STT3B: variants seen among roughly 807,000 people sequenced by gnomAD.
The protein encoded by STT3B is STT3 oligosaccharyltransferase complex catalytic subunit B.
A neutral mutation model predicts 96.8 loss-of-function variants in STT3B; 29 were observed. The ratio of observed to expected loss-of-function variants is 0.30; its 90% CI spans 0.22 to 0.41. The LOEUF is 0.41. STT3B is among the 10% of genes least tolerant of loss of function. The pLI is 1.00. For synonymous variants in STT3B, 367 were observed against 360.0 expected (o/e 1.02, Z -0.22); for missense variants, 640 against 1,022.3 (o/e 0.63, Z 5.10).
intron 1 of STT3B, among the ~76,000 whole-genome samples, chr3:31,559,422 T>A (rs1348867397): frequency 6.6e-6 from 1 of 151,950 alleles, no homozygotes; most frequent in East Asian, 1.9e-4. Flanking sequence ...TCCAAGAAAT[T>A]TTTTTTATTT....
intron 1 of STT3B, among the ~76,000 whole-genome samples, chr3:31,547,062 A>G (rs965701133): frequency 6.6e-6 from 1 of 152,100 alleles, no homozygotes; most frequent in Non-Finnish European, 1.5e-5. Flanking sequence ...AAGTATTTTT[A>G]TTTACTTATA....
rs1307699269 is a variant in STT3B, at chr3:31,623,793, C to T, written c.1659C>T (p.His553=). Residue 553 remains histidine, a synonymous_variant, in exon 11 of 16, where the codon CAC becomes CAT. Transcript: ENST00000295770. ...MLMLLMMFAV[H]CTWVTSNAYS... ...TGCTATTGATGATGTTTGCTGTCCA[C>T]TGTACCTGGGTCACAAGCAATGCCT... The T allele has an allele frequency of 1.9e-6, 3 of 1,613,966 alleles. No individual in the cohort carries two copies. Among genetic ancestry groups the T allele is most frequent in the East Asian group, 2.2e-5 (1 of 44,876 alleles).
At chr3:31,580,127 A>G in intron 3 of STT3B, 31 bp downstream of exon 3, 2 of 1,594,150 alleles carry the variant, frequency 1.3e-6, no homozygotes, top group South Asian at 2.2e-5. Flanking sequence ...TGCTGCCATT[A>G]TTACTCGTGA....
Position 31,630,796 on chromosome 3 carries a change from T to A in STT3B, c.2187+1385T>A, listed in dbSNP as rs78973585. Among the ~76,000 whole-genome samples, 4 of 53,198 alleles carry A rather than the reference T, an allele frequency of 7.5e-5. 1 individual carries two copies. The highest frequency in any genetic ancestry group is 4.2e-4 in the East Asian group (1 of 2,362). The allele number at this position is 53,198 out of a possible 152,430, so 34.9% of individuals were successfully genotyped here. ...AGTTTTACCGTGTTTTTTTGTGGTG[T>A]TTTTTTTGTTTTTTTTTTGAGAGGG... On this transcript the variant is annotated intron_variant, in intron 14 of 15. Transcript: ENST00000295770.
At chr3:31,547,706 G>A (rs1364130255) in intron 1 of STT3B, among the ~76,000 whole-genome samples, 2 of 152,196 alleles carry the variant, frequency 1.3e-5, no homozygotes, top group Non-Finnish European at 2.9e-5. Flanking sequence ...AAATGCCACA[G>A]AACAATTCTG....
chr3:31,546,605 G>A (rs1697419023), intron 1 of STT3B, among the ~76,000 whole-genome samples: 1 of 152,200 alleles, frequency 6.6e-6, no homozygotes, highest in Non-Finnish European at 1.5e-5. Flanking sequence ...GCATATACAG[G>A]TAGGGGCAGA....
intron 13 of STT3B, 59 bp from the exon 14 acceptor site, chr3:31,629,239 C>T: frequency 1.1e-6 from 1 of 936,286 alleles, no homozygotes; most frequent in Non-Finnish European, 1.7e-6. Flanking sequence ...AAAGAGGAAA[C>T]TGTAGCTTTG....
chr3:31,579,145 T>C (rs1363497420), intron 2 of STT3B, among the ~76,000 whole-genome samples: 1 of 152,006 alleles, frequency 6.6e-6, no homozygotes, highest in African/African-American at 2.4e-5. Flanking sequence ...AACTGGCCTC[T>C]TCTAGTTTAT....
chr3:31,589,828 A>AT (rs532187886), intron 3 of STT3B, among the ~76,000 whole-genome samples: 148 of 151,482 alleles, frequency 9.8e-4, no homozygotes, highest in Non-Finnish European at 1.7e-3. Flanking sequence ...TATACCTTTA[A>AT]TTTTTTTTCC....
chr3:31,591,323 C>G (rs1045297151), intron 3 of STT3B, among the ~76,000 whole-genome samples: 1 of 152,042 alleles, frequency 6.6e-6, no homozygotes, highest in Non-Finnish European at 1.5e-5. Context: ...TCCTTAAAAT[C>G]AAACTATTTG....
intron 14 of STT3B, among the ~76,000 whole-genome samples, chr3:31,629,752 CT>C (rs1699617086): frequency 6.6e-6 from 1 of 152,162 alleles, no homozygotes; most frequent in African/African-American, 2.4e-5. Context: ...TCTTAGGTCA[CT>C]TTGCTGCTTG....
chr3:31,635,190 A>T (rs976078578), intron 15 of STT3B, among the ~76,000 whole-genome samples: 1 of 152,136 alleles, frequency 6.6e-6, no homozygotes, highest in African/African-American at 2.4e-5. Flanking sequence ...GCATTAAATT[A>T]CTTAGTTTCA....
intron 3 of STT3B, among the ~76,000 whole-genome samples, chr3:31,584,041 TTA>T (rs921176231): frequency 6.6e-6 from 1 of 152,222 alleles, no homozygotes; most frequent in Non-Finnish European, 1.5e-5. Context: ...TCTAAAGATT[TTA>T]TATGTCAAGT....
intron 1 of STT3B, among the ~76,000 whole-genome samples, chr3:31,568,522 T>C (rs1391032878): frequency 6.6e-6 from 1 of 152,226 alleles, no homozygotes; most frequent in Non-Finnish European, 1.5e-5. Flanking sequence ...CCAGCATTTG[T>C]TACTGCCTGT....
At chr3:31,590,540 T>A (rs1390173067) in intron 3 of STT3B, among the ~76,000 whole-genome samples, 1 of 151,946 alleles carries the variant, frequency 6.6e-6, no homozygotes, top group Non-Finnish European at 1.5e-5. Context: ...GACTCATGGG[T>A]TTTTTCTAAG....
rs1319347468 is a variant in STT3B at position 31,566,085 on chromosome 3, G to A, written c.315-10311G>A. 2.6e-5 allele frequency among the ~76,000 whole-genome samples: 4 copies of A among 152,210 alleles called. No individual in the cohort carries two copies. The East Asian group carries it at 5.8e-4, about 22-fold the overall frequency. Reference sequence around the variant, plus strand: ...GCCCCATATATAAATAGACAAATAGGTAAGGTTATATAAGATGGTACCATA... The same window carrying A: ...GCCCCATATATAAATAGACAAATAGATAAGGTTATATAAGATGGTACCATA... On this transcript the variant is annotated intron_variant, in intron 1 of 15. Transcript: ENST00000295770.
At position 31,615,119 on chromosome 3, in the gene STT3B, T is replaced by C; in HGVS notation, c.892T>C (p.Tyr298His). ...TGTCTTTATAGCATATAGCACTTTC[T>C]ACATTGTGGGTTTAATATTATCAAT... ...KRVYIAYSTF[Y>H]IVGLILSMQI... Residue 298 changes from tyrosine to histidine, a missense_variant, in exon 6 of 16, where the codon TAC becomes CAC. By Grantham distance (83) the Tyr-to-His change is moderately conservative (BLOSUM62 2). This residue lies in a region of STT3B where 267 missense variants were observed against 388.3 expected (regional missense o/e 0.69). Transcript: ENST00000295770. The C allele has an allele frequency of 6.2e-7, 1 of 1,608,424 alleles. No homozygotes were observed. Among genetic ancestry groups the C allele is most frequent in the Non-Finnish European group, 8.5e-7 (1 of 1,176,204 alleles).
chr3:31,618,040 C>G, intron 8 of STT3B, 52 bp downstream of exon 8: 1 of 1,247,130 alleles, frequency 8.0e-7, no homozygotes, highest in Non-Finnish European at 1.2e-6. Flanking sequence ...ACTGCTTTTC[C>G]TTTGTTTTTA....
At chr3:31,633,184 G>T in intron 15 of STT3B, 37 bp downstream of exon 15, 1 of 1,567,760 alleles carries the variant, frequency 6.4e-7, no homozygotes. Flanking sequence ...GGTAACTTAA[G>T]GTGTGTTGGT....
Sources: allele counts gnomAD v4.1 joint callset (sites outside exome capture counted in the v4.1 genomes callset), GRCh38; gene constraint gnomAD v4.1.1; regional missense constraint gnomAD v4.1.1; transcripts MANE v1.5; gene names NCBI Gene and HGNC (gene_info 2026-07-23, HGNC 2026-07-21).